EFCAB6: variants seen among roughly 807,000 people sequenced by gnomAD.
EFCAB6 encodes the protein EF-hand calcium-binding domain-containing protein 6.
Under a neutral mutation model 169.8 loss-of-function variants are expected in EFCAB6, and 156 were observed. That is an observed-to-expected ratio of 0.92 (90% CI 0.81 to 1.05). EFCAB6 has a LOEUF of 1.05. Among genes scored for constraint, EFCAB6 ranks in the 50% least tolerant of loss-of-function variants. The probability of loss-of-function intolerance (pLI) is 0.00; values close to 1 mark genes in which losing one functional copy is unlikely to be tolerated. For missense variants in EFCAB6, 1,800 were observed against 1,829.1 expected (o/e 0.98, Z 0.29); for synonymous variants, 698 against 676.4 (o/e 1.03, Z -0.50).
Position 43,623,707 on chromosome 22 carries a change from A to G in EFCAB6, c.2465+2740T>C, listed in dbSNP as rs1157286939. Among the ~76,000 whole-genome samples the G allele has an allele frequency of 9.5e-4, 142 of 149,068 alleles. 1 individual carries two copies. The highest frequency in any genetic ancestry group is 4.0e-4 in the Non-Finnish European group (27 of 67,446). On this transcript the variant is annotated intron_variant, in intron 20 of 31. Transcript: ENST00000262726. ...TCAGGAGATCGAGACCATCCTGGCT[A>G]ACATAGTGAAACCCCGTCTCTACTA...
In EFCAB6 at chr22:43,590,156, T is replaced by G. The variant is rs749620729; in HGVS notation, c.2950A>C (p.Ile984Leu). The change falls in exon 24 of 32, where the codon ATA (isoleucine) becomes CTA (leucine). Residue 984 changes from isoleucine (I) to leucine (L), a missense_variant. Physicochemically the swap from Ile to Leu is conservative, Grantham distance 5. Coordinates refer to ENST00000262726, the MANE Select transcript of EFCAB6 (RefSeq NM_022785.4). ...TKTDQSKTNYISICKMQEVLE... is the reference protein window; with the variant it reads ...TKTDQSKTNYLSICKMQEVLE... ...ACTTCCTGCATCTTGCATATGGATA[T>G]GTAGTTGGTTTTGGATTGATCAGTT... The G allele has an allele frequency of 1.9e-5, 30 of 1,614,088 alleles. No homozygotes were observed. Among genetic ancestry groups the G allele is most frequent in the Non-Finnish European group, 2.5e-5 (30 of 1,180,036 alleles).
At chr22:43,654,058 AAAAC>A (rs1279450269) in intron 17 of EFCAB6, among the ~76,000 whole-genome samples, 1 of 152,212 alleles carries the variant, frequency 6.6e-6, no homozygotes, top group Non-Finnish European at 1.5e-5. Context: ...GACAAGTCAC[AAAAC>A]AAACAGAAAA....
intron 23 of EFCAB6, among the ~76,000 whole-genome samples, chr22:43,598,085 G>C (rs1231589416): frequency 6.6e-6 from 1 of 152,114 alleles, no homozygotes; most frequent in Non-Finnish European, 1.5e-5. Flanking sequence ...GCTGAGGCAG[G>C]TGGGTGAGCT....
chr22:43,785,529 T>G (rs1325423930), intron 2 of EFCAB6, among the ~76,000 whole-genome samples: 1 of 151,716 alleles, frequency 6.6e-6, no homozygotes, highest in Non-Finnish European at 1.5e-5. Context: ...GATGAAAATT[T>G]GTAGATGTTA....
At chr22:43,727,393 A>G (rs1028634900) in intron 8 of EFCAB6, among the ~76,000 whole-genome samples, 1 of 152,186 alleles carries the variant, frequency 6.6e-6, no homozygotes, top group Non-Finnish European at 1.5e-5. Context: ...GCACCACTGC[A>G]TTCCTGCCTG....
intron 2 of EFCAB6, 97 bp from the exon 3 acceptor site, chr22:43,782,422 C>G (rs2061857351): frequency 9.4e-7 from 1 of 1,062,238 alleles, no homozygotes; most frequent in Admixed American, 2.3e-5. Context: ...GGGACAGCTG[C>G]AGAGTGTAAA....
chr22:43,808,211 A>G (rs943822120), intron 2 of EFCAB6, among the ~76,000 whole-genome samples: 53 of 152,186 alleles, frequency 3.5e-4, no homozygotes, highest in African/African-American at 1.3e-3. Flanking sequence ...TAAGTAATCT[A>G]GAGATAATTT....
intron 26 of EFCAB6, among the ~76,000 whole-genome samples, chr22:43,568,900 A>G (rs1417368780): frequency 6.6e-6 from 1 of 152,162 alleles, no homozygotes. Flanking sequence ...TGCCTGACAC[A>G]GCTGTGTTTG....
At chr22:43,647,753 G>C (rs1340396675) in intron 17 of EFCAB6, among the ~76,000 whole-genome samples, 1 of 152,206 alleles carries the variant, frequency 6.6e-6, no homozygotes, top group Non-Finnish European at 1.5e-5. Context: ...AAGACATGCA[G>C]ACAAAGAAGA....
chr22:43,779,336 T>G (rs2061737929), intron 3 of EFCAB6, among the ~76,000 whole-genome samples: 1 of 152,216 alleles, frequency 6.6e-6, no homozygotes, highest in African/African-American at 2.4e-5. Flanking sequence ...TACAAATATA[T>G]ATCTACAGTT....
At chr22:43,735,557 GAA>G (rs1384629712) in intron 7 of EFCAB6, among the ~76,000 whole-genome samples, 3 of 152,188 alleles carry the variant, frequency 2.0e-5, no homozygotes, top group Non-Finnish European at 4.4e-5. Flanking sequence ...GCCAAGTGGG[GAA>G]AGAGACAATT....
chr22:43,726,870 G>T (rs1398552912), intron 8 of EFCAB6, among the ~76,000 whole-genome samples: 2 of 152,168 alleles, frequency 1.3e-5, no homozygotes, highest in Non-Finnish European at 2.9e-5. Context: ...TAAACTGGCT[G>T]CTAAAACAAA....
In EFCAB6 at chr22:43,537,423, C is replaced by T. The variant is rs760006696; in HGVS notation, c.4002G>A (p.Glu1334=). The T allele has an allele frequency of 5.5e-5, 88 of 1,614,046 alleles. No individual in the cohort carries two copies. The highest frequency in any genetic ancestry group is 4.6e-5 in the Non-Finnish European group (54 of 1,180,034). Residue 1334 remains glutamate (E), a synonymous_variant, in exon 29 of 32, where the codon GAG becomes GAA. Transcript: ENST00000262726. This position sits in a 1 kb window ranked among gnomAD's most constrained non-coding sequence, Gnocchi z 4.3. ...CWRQLLKECK[E]KDVARQGDIN... is the part of the protein sequence containing the mutation. Reference sequence around the variant, plus strand: ...TGTCCCCCTGTCTGGCCACGTCCTTCTCCTTGCATTCTTTCAGGAGCTGGC... The same window carrying T: ...TGTCCCCCTGTCTGGCCACGTCCTTTTCCTTGCATTCTTTCAGGAGCTGGC...
intron 2 of EFCAB6, among the ~76,000 whole-genome samples, chr22:43,807,676 G>T (rs2062967864): frequency 6.6e-6 from 1 of 152,212 alleles, no homozygotes; most frequent in African/African-American, 2.4e-5. Flanking sequence ...ACTGTATCAT[G>T]GAGAGGGGTG....
chr22:43,559,865 G>T (rs1314378576), intron 26 of EFCAB6, among the ~76,000 whole-genome samples: 1 of 152,086 alleles, frequency 6.6e-6, no homozygotes, highest in African/African-American at 2.4e-5. Context: ...CCTATTGTTG[G>T]GTGGGGGGCA....
intron 9 of EFCAB6, among the ~76,000 whole-genome samples, chr22:43,713,551 G>T (rs2059231342): frequency 6.6e-6 from 1 of 152,132 alleles, no homozygotes; most frequent in Non-Finnish European, 1.5e-5. Flanking sequence ...AATCAATATG[G>T]TGGCAAGCAA....
intron 17 of EFCAB6, among the ~76,000 whole-genome samples, chr22:43,642,772 T>C (rs943435996): frequency 6.6e-6 from 1 of 151,902 alleles, no homozygotes; most frequent in African/African-American, 2.4e-5. Flanking sequence ...CAAACTGGGG[T>C]GACAATCAAG....
chr22:43,687,561 G>C lies in EFCAB6; in HGVS notation c.1052C>G (p.Thr351Ser), dbSNP rs2058251655. The change falls in exon 11 of 32, where the codon ACT becomes AGT. Residue 351 changes from threonine to serine, a missense_variant. Coordinates refer to ENST00000262726, the MANE Select transcript of EFCAB6 (RefSeq NM_022785.4). ...TAGAAATTGCTTCCAATTGATTTTAGTGGTGGCTTTAAGTCCAAATCTGGA... is the reference window on the plus strand; with the variant it reads ...TAGAAATTGCTTCCAATTGATTTTACTGGTGGCTTTAAGTCCAAATCTGGA... ...LMKRFGLKAT[T>S]KINWKQFLTS... is the part of the protein sequence containing the mutation. 2 of 1,599,670 alleles carry C rather than the reference G, an allele frequency of 1.3e-6. No homozygotes were observed. The highest frequency in any genetic ancestry group is 1.7e-6 in the Non-Finnish European group (2 of 1,174,898).
Position 43,661,451 on chromosome 22 carries a change from T to C in EFCAB6, c.1983+5653A>G, listed in dbSNP as rs1013763079. On this transcript the variant is annotated intron_variant, in intron 17 of 31. Coordinates refer to ENST00000262726, the MANE Select transcript of EFCAB6 (RefSeq NM_022785.4). ...GGTGGAGAATTTCAGAACATTGTTA[T>C]GTTAAGTGTCAAAGGACAGACCATG... is the stretch of plus-strand genomic sequence containing the variant. 4.6e-5 allele frequency among the ~76,000 whole-genome samples: 7 copies of C among 152,182 alleles called. No homozygotes were observed. The South Asian group carries it at 1.0e-3, about 23-fold the overall frequency.
Sources: gnomAD v4.1 joint callset for allele counts (sites outside exome capture counted in the v4.1 genomes callset) on GRCh38, gnomAD v4.1.1 for gene constraint, Gnocchi (gnomAD v3.1) non-coding constraint, MANE v1.5 for transcripts, NCBI Gene and HGNC (gene_info 2026-07-23, HGNC 2026-07-21) for gene names.